KDM2B: variants seen among roughly 807,000 people sequenced by gnomAD.
KDM2B encodes lysine-specific demethylase 2B.
In KDM2B, 26 loss-of-function variants were observed where a neutral mutation model predicts 150.0. That is an observed-to-expected ratio of 0.17 (90% CI 0.13 to 0.24). The LOEUF (loss-of-function observed/expected upper bound fraction) is 0.24, where lower values mean the gene tolerates loss of function less well. KDM2B is among the 10% of genes least tolerant of loss of function. The probability of loss-of-function intolerance (pLI) is 1.00; values close to 1 mark genes in which losing one functional copy is unlikely to be tolerated. For missense variants in KDM2B, 1,265 were observed against 1,816.9 expected (o/e 0.70, Z 5.52); for synonymous variants, 734 against 729.5 (o/e 1.01, Z -0.10).
Position 121,520,180 on chromosome 12 carries a change from C to T in KDM2B, c.1047+805G>A, listed in dbSNP as rs577544283. Among the ~76,000 whole-genome samples, 6 of 152,246 alleles carry T rather than the reference C, an allele frequency of 3.9e-5. No homozygotes were observed. Among genetic ancestry groups the T allele is most frequent in the South Asian group, 4.1e-4 (2 of 4,820 alleles). Reference sequence around the variant, plus strand: ...TGCTGGGATTACAGGCAAGAGCCACCGCGCCCGGCCCCAAGTCTTCAGTTT... The same window carrying T: ...TGCTGGGATTACAGGCAAGAGCCACTGCGCCCGGCCCCAAGTCTTCAGTTT... On this transcript the variant is annotated intron_variant, in intron 9 of 22. Transcript: ENST00000377071. This position sits in a 1 kb window ranked among gnomAD's most constrained non-coding sequence, Gnocchi z 4.5.
rs1555288713 is a variant in KDM2B at position 121,442,506 on chromosome 12, T to C, written c.2935A>G (p.Ser979Gly). 1.3e-6 allele frequency: 2 copies of C among 1,599,388 alleles called. No individual in the cohort carries two copies. The highest frequency in any genetic ancestry group is 2.7e-5 in the African/African-American group (2 of 74,886). The change falls in exon 19 of 23, where the codon AGC becomes GGC. Residue 979 changes from serine (S) to glycine (G), a missense_variant. Transcript: ENST00000377071. This position sits in a 1 kb window ranked among gnomAD's most constrained non-coding sequence, Gnocchi z 7.7. ...GGCCGCTTGGGCTCCTCGCCCTCGC[T>C]CTCAGGCTCCGACTTGATGGGCTGC... ...NQQPIKSEPE[S>G]EGEEPKRPPG...
In KDM2B at chr12:121,580,834, C is replaced by T; in HGVS notation, c.78G>A (p.Lys26=). ...AGCATTTTGTATATATAACTGTTTT[C>T]TTTTTTTGCTTTTCTGCTGCATGTC... ...RKRHAAEKQK[K]KTVIYTKCFE... is the part of the protein sequence containing the mutation. The change falls in exon 1 of 23, where the codon AAG becomes AAA. Residue 26 remains lysine, a synonymous_variant. Transcript: ENST00000377071. The T allele has an allele frequency of 6.2e-7, 1 of 1,614,012 alleles. No homozygotes were observed. Among genetic ancestry groups the T allele is most frequent in the Non-Finnish European group, 8.5e-7 (1 of 1,179,968 alleles).
At chr12:121,509,470 G>A in intron 11 of KDM2B, 97 bp downstream of exon 11, 1 of 1,532,130 alleles carries the variant, frequency 6.5e-7, no homozygotes, top group Non-Finnish European at 8.7e-7. Context: ...AGAGCAATCT[G>A]CACAGAGCCA....
At position 121,430,887 on chromosome 12, in the gene KDM2B, CCCTT is replaced by C. The variant is rs1555285369; in HGVS notation, c.3830-422_3830-419del. 1.3e-5 allele frequency among the ~76,000 whole-genome samples: 2 copies of C among 152,178 alleles called. No individual in the cohort carries two copies. The highest frequency in any genetic ancestry group is 4.8e-5 in the African/African-American group (2 of 41,436). ...ATTACTGTGCATTTATTTGCCTCCT[CCCTT>C]CAGATAAATTCCCAGAGGGGCATTG... On this transcript the variant is annotated intron_variant, in intron 22 of 22. Coordinates refer to ENST00000377071, the MANE Select transcript of KDM2B (RefSeq NM_032590.5). This position sits in a 1 kb window ranked among gnomAD's most constrained non-coding sequence, Gnocchi z 4.4.
intron 4 of KDM2B, among the ~76,000 whole-genome samples, chr12:121,557,382 C>A (rs1338129473): frequency 2.0e-5 from 3 of 151,840 alleles, no homozygotes; most frequent in Non-Finnish European, 2.9e-5. Flanking sequence ...GGATTACAGG[C>A]GCCTACCACC....
chr12:121,478,866 TTGTG>T (rs71874668), intron 12 of KDM2B, among the ~76,000 whole-genome samples: 3 of 131,132 alleles, frequency 2.3e-5, no homozygotes, highest in Non-Finnish European at 4.7e-5. Flanking sequence ...TTTTGTTTGT[TTGTG>T]TGTGTGTGTG....
intron 12 of KDM2B, among the ~76,000 whole-genome samples, chr12:121,466,602 G>T (rs1879983540): frequency 6.6e-6 from 1 of 151,424 alleles, no homozygotes; most frequent in Non-Finnish European, 1.5e-5. Flanking sequence ...TCCTGTCTCC[G>T]TCTGCCCACG....
chr12:121,462,480 CT>C (rs1459481270), intron 12 of KDM2B, among the ~76,000 whole-genome samples: 13 of 152,188 alleles, frequency 8.5e-5, no homozygotes, highest in Admixed American at 3.9e-4. Flanking sequence ...TCAGAGGCCC[CT>C]GTCTTAAAAT....
rs539920081 is a variant in KDM2B at position 121,442,642 on chromosome 12, C to A, written c.2799G>T (p.Val933=). Residue 933 remains valine (V), a synonymous_variant, in exon 19 of 23, where the codon GTG becomes GTT. Coordinates refer to ENST00000377071, the MANE Select transcript of KDM2B (RefSeq NM_032590.5). The surrounding 1 kb of genome is among the most constrained non-coding windows in gnomAD (Gnocchi z 7.7). The stretch of plus-strand genomic sequence containing the variant: ...GAAGCCGCCGCTTCCGGCGCATCTT[C>A]ACCTTCTTCTTCTCCTCCGGGCCCT... The part of the protein sequence containing the change: ...GAEGPEEKKK[V]KMRRKRRLPN... The A allele has an allele frequency of 1.2e-6, 2 of 1,605,228 alleles. No individual in the cohort carries two copies. The highest frequency in any genetic ancestry group is 2.2e-5 in the South Asian group (2 of 90,666).
At chr12:121,448,613 T>C (rs2138516240) in intron 13 of KDM2B, among the ~76,000 whole-genome samples, 1 of 152,172 alleles carries the variant, frequency 6.6e-6, no homozygotes, top group Admixed American at 6.5e-5. Flanking sequence ...CCAACCTTTA[T>C]TATGCTGCTC....
At chr12:121,449,984 C>T (rs782680173) in intron 13 of KDM2B, among the ~76,000 whole-genome samples, 7 of 152,142 alleles carry the variant, frequency 4.6e-5, no homozygotes, top group Admixed American at 6.5e-5. Flanking sequence ...ATATCCAAAA[C>T]ATATCTAGAA....
At chr12:121,579,917 G>T in intron 1 of KDM2B, 1 of 1,430,690 alleles carries the variant, frequency 7.0e-7, no homozygotes. Context: ...ATACAGAAAA[G>T]GAAAGAAAAG....
intron 13 of KDM2B, among the ~76,000 whole-genome samples, chr12:121,446,230 C>T (rs914818910): frequency 6.6e-6 from 1 of 152,212 alleles, no homozygotes; most frequent in Admixed American, 6.5e-5. Context: ...CCCGTCTCTA[C>T]TAAAAATACA....
At position 121,467,155 on chromosome 12, in the gene KDM2B, G is replaced by T; in HGVS notation, c.1735-13811C>A. 1 of 1,120,640 alleles carries T rather than the reference G, an allele frequency of 8.9e-7. No individual in the cohort carries two copies. Among genetic ancestry groups the T allele is most frequent in the Non-Finnish European group, 1.1e-6 (1 of 898,066 alleles). The allele number at this position is 1,120,640 out of a possible 1,614,324, so 69.4% of individuals were successfully genotyped here. On this transcript the variant is annotated intron_variant, in intron 12 of 22. Transcript: ENST00000377071. This position sits in a 1 kb window ranked among gnomAD's most constrained non-coding sequence, Gnocchi z 5.1. ...TCCCTCAGCCCCACCCCGGGCCGCC[G>T]ACCTGGTCCGGCTCCGATTCATAGT...
chr12:121,535,551 G>A (rs868932164), intron 6 of KDM2B, among the ~76,000 whole-genome samples: 6 of 152,262 alleles, frequency 3.9e-5, no homozygotes, highest in Middle Eastern at 6.8e-3. Context: ...ATGGGTGAAC[G>A]GTCTGTGAAT....
chr12:121,444,391 GCCAGGC>G, intron 15 of KDM2B, 53 bp downstream of exon 15: 1 of 1,608,162 alleles, frequency 6.2e-7, no homozygotes, highest in Non-Finnish European at 8.5e-7. Flanking sequence ...GCTGGTCCCG[GCCAGGC>G]CCAGGCCCGC....
chr12:121,426,893 G>A (rs913405153), downstream of KDM2B, among the ~76,000 whole-genome samples: 3 of 152,032 alleles, frequency 2.0e-5, no homozygotes, highest in African/African-American at 7.2e-5. Context: ...CAAAGTGCTG[G>A]GGTTACAGGT....
intron 4 of KDM2B, among the ~76,000 whole-genome samples, chr12:121,551,244 A>T (rs974779836): frequency 2.6e-5 from 4 of 152,124 alleles, no homozygotes; most frequent in Non-Finnish European, 5.9e-5. Context: ...AAATAAAAGT[A>T]ACTCTGTGTA....
intron 12 of KDM2B, among the ~76,000 whole-genome samples, chr12:121,473,825 C>T (rs1185109975): frequency 6.6e-6 from 1 of 151,462 alleles, no homozygotes; most frequent in African/African-American, 2.4e-5. Context: ...CAGGTAGAAA[C>T]GATTCAAATA....
Sources: gnomAD v4.1 joint callset for allele counts (sites outside exome capture counted in the v4.1 genomes callset) on GRCh38, gnomAD v4.1.1 for gene constraint, Gnocchi (gnomAD v3.1) non-coding constraint, MANE v1.5 for transcripts, NCBI Gene and HGNC (gene_info 2026-07-23, HGNC 2026-07-21) for gene names.